SYNRG: variants seen among roughly 807,000 people sequenced by gnomAD.
The protein encoded by SYNRG is AP1 gamma subunit binding protein 1.
SYNRG carries 37 observed loss-of-function variants against 130.9 expected under a neutral mutation model. That is an observed-to-expected ratio of 0.28 (90% CI 0.22 to 0.37). The LOEUF (loss-of-function observed/expected upper bound fraction) is 0.37. SYNRG is among the 10% of genes least tolerant of loss of function. The pLI, the probability that SYNRG is intolerant of heterozygous loss-of-function variation, is 1.00. For synonymous variants in SYNRG, 539 were observed against 568.1 expected (o/e 0.95, Z 0.73); for missense variants, 1,338 against 1,588.9 (o/e 0.84, Z 2.68).
At chr17:37,583,803 T>C (rs1443206582) in intron 6 of SYNRG, among the ~76,000 whole-genome samples, 2 of 152,188 alleles carry the variant, frequency 1.3e-5, no homozygotes, top group African/African-American at 4.8e-5. Context: ...CAAGTGATTC[T>C]CCTGCCTCAG....
intron 10 of SYNRG, among the ~76,000 whole-genome samples, chr17:37,570,430 T>C (rs1402997047): frequency 2.6e-5 from 4 of 152,180 alleles, no homozygotes; most frequent in Non-Finnish European, 5.9e-5. Flanking sequence ...CATTAAATAT[T>C]ATATATTTAA....
At chr17:37,608,832 C>T (rs899103054) in intron 1 of SYNRG, among the ~76,000 whole-genome samples, 3 of 152,160 alleles carry the variant, frequency 2.0e-5, no homozygotes, top group South Asian at 4.1e-4. Context: ...CACACACCCC[C>T]CTTGGAAACA....
intron 11 of SYNRG, among the ~76,000 whole-genome samples, chr17:37,565,545 G>A (rs1446099179): frequency 1.3e-5 from 2 of 148,658 alleles, no homozygotes; most frequent in African/African-American, 2.5e-5. Flanking sequence ...TGGCTGCCCA[G>A]TCTGGAAAGT....
rs9900371 is a variant in SYNRG, at chr17:37,563,288, A to C, written c.1482-1699T>G. 7.2e-3 allele frequency among the ~76,000 whole-genome samples: 1,100 copies of C among 152,336 alleles called. 15 individuals carry two copies. Among genetic ancestry groups the C allele is most frequent in the African/African-American group, 0.025 (1,019 of 41,564 alleles). On this transcript the variant is annotated intron_variant, in intron 11 of 21. Coordinates refer to ENST00000612223, the MANE Select transcript of SYNRG (RefSeq NM_007247.6). ...AAGTGAGAAAGGCATATATGATTTT[A>C]CACTTAAGAACCTGTATTCTACTAA...
intron 6 of SYNRG, 79 bp from the exon 7 acceptor site, chr17:37,577,692 ATTCT>A (rs1432469013): frequency 3.9e-6 from 3 of 770,638 alleles, no homozygotes; most frequent in African/African-American, 2.4e-5. Context: ...CCACCCCCAT[ATTCT>A]TTTTTTTTTT....
At chr17:37,590,300 CAACAT>C (rs1414957816) in intron 3 of SYNRG, among the ~76,000 whole-genome samples, 2 of 151,424 alleles carry the variant, frequency 1.3e-5, no homozygotes, top group Non-Finnish European at 2.9e-5. Context: ...AATTTTGACA[CAACAT>C]GACACTATAA....
chr17:37,609,294 G>T lies in SYNRG; in HGVS notation c.62C>A (p.Ser21Tyr). 6.9e-7 allele frequency: 1 copy of T among 1,455,576 alleles called. No individual in the cohort carries two copies. Among genetic ancestry groups the T allele is most frequent in the Admixed American group, 2.6e-5 (1 of 38,122 alleles). 90.2% of individuals were successfully genotyped at this position (1,455,576 alleles called of 1,614,324 possible). ...GGGAAGAGAG[S>Y]AGGGGFMFPV... The stretch of plus-strand genomic sequence containing the variant: ...TCACACCTACCCGCCTCCCCCGGCG[G>T]ACCCCGCGCCAGCTCCCGCGGCCCC... Residue 21 changes from serine (S) to tyrosine (Y), a missense_variant, in exon 1 of 22, where the codon TCC becomes TAC. Ser to Tyr is a moderately radical substitution (Grantham distance 144, BLOSUM62 -2). Around this residue, in one of 3 missense-constraint regions of SYNRG, gnomAD observed 184 missense variants for 217.2 expected, o/e 0.85. Transcript: ENST00000612223.
At chr17:37,606,255 G>A (rs17138608) in intron 1 of SYNRG, among the ~76,000 whole-genome samples, 495 of 152,214 alleles carry the variant, frequency 3.3e-3, no homozygotes, top group African/African-American at 0.011. Context: ...TCTCTTGACC[G>A]CTTCCTCTTC....
intron 18 of SYNRG, chr17:37,536,727 C>T (rs1226885897): frequency 1.3e-5 from 2 of 152,310 alleles, no homozygotes; most frequent in Non-Finnish European, 2.9e-5. Flanking sequence ...TATCTTTAAA[C>T]ACATAACAGG....
intron 13 of SYNRG, among the ~76,000 whole-genome samples, chr17:37,558,772 T>A (rs182046325): frequency 6.6e-6 from 1 of 152,224 alleles, no homozygotes; most frequent in South Asian, 2.1e-4. Context: ...TTGACGTCTG[T>A]ATCCTTGAAC....
At chr17:37,546,690 G>GT (rs1443761236) in intron 14 of SYNRG, among the ~76,000 whole-genome samples, 1 of 152,196 alleles carries the variant, frequency 6.6e-6, no homozygotes, top group African/African-American at 2.4e-5. Flanking sequence ...AAGCTGTTAA[G>GT]TATATGCCCA....
intron 3 of SYNRG, among the ~76,000 whole-genome samples, chr17:37,590,707 G>A (rs2062097889): frequency 6.6e-6 from 1 of 152,108 alleles, no homozygotes; most frequent in East Asian, 1.9e-4. Context: ...GATTGCTTGA[G>A]GTCAGGAGTT....
In SYNRG at chr17:37,546,620, G is replaced by C. The variant is rs566200843; in HGVS notation, c.2609-4055C>G. Among the ~76,000 whole-genome samples the C allele has an allele frequency of 3.9e-5, 6 of 152,298 alleles. No individual in the cohort carries two copies. In the South Asian group the frequency reaches 1.2e-3, roughly 32 times the overall value. Reference sequence around the variant, plus strand: ...TGAAAACGGTATTTTTTGGAACAAAGAATGTTGGCTGCTACTACAGGACAC... The same window carrying C: ...TGAAAACGGTATTTTTTGGAACAAACAATGTTGGCTGCTACTACAGGACAC... On this transcript the variant is annotated intron_variant, in intron 14 of 21. Transcript: ENST00000612223.
chr17:37,571,111 C>A (rs907863773), intron 9 of SYNRG, among the ~76,000 whole-genome samples: 1 of 152,138 alleles, frequency 6.6e-6, no homozygotes, highest in African/African-American at 2.4e-5. Flanking sequence ...CACTTTCTGA[C>A]AAGTTTGGTT....
chr17:37,584,540 G>C, intron 6 of SYNRG, 108 bp downstream of exon 6: 2 of 823,580 alleles, frequency 2.4e-6, no homozygotes, highest in Non-Finnish European at 4.0e-6. Flanking sequence ...CTTGAAGGAA[G>C]AGTTCTACAT....
At chr17:37,572,043 T>G (rs2060473490) in intron 8 of SYNRG, 56 bp from the exon 9 acceptor site, 4 of 1,460,244 alleles carry the variant, frequency 2.7e-6, no homozygotes, top group Middle Eastern at 1.8e-4. Context: ...GATTTATTTT[T>G]TGGGATGCCA....
chr17:37,537,931 A>G (rs1176250472), intron 18 of SYNRG, among the ~76,000 whole-genome samples: 1 of 152,240 alleles, frequency 6.6e-6, no homozygotes, highest in Non-Finnish European at 1.5e-5. Context: ...GACACATCAA[A>G]TTGCTGCAGA....
intron 1 of SYNRG, among the ~76,000 whole-genome samples, chr17:37,608,767 T>C (rs2064055005): frequency 1.3e-5 from 2 of 152,154 alleles, no homozygotes; most frequent in Non-Finnish European, 2.9e-5. Flanking sequence ...TGTCGCGGGT[T>C]AAGGAAATAA....
intron 3 of SYNRG, among the ~76,000 whole-genome samples, chr17:37,587,208 G>A (rs971475000): frequency 5.9e-5 from 9 of 152,104 alleles, no homozygotes; most frequent in African/African-American, 2.2e-4. Context: ...GAGCAAAGGC[G>A]CAATCACAAC....
Sources: gnomAD v4.1 joint callset for allele counts (sites outside exome capture counted in the v4.1 genomes callset) on GRCh38, gnomAD v4.1.1 for gene constraint, gnomAD v4.1.1 regional missense constraint, MANE v1.5 for transcripts, NCBI Gene and HGNC (gene_info 2026-07-23, HGNC 2026-07-21) for gene names.